The following C1orf50 variants were observed in gnomAD, a reference collection of about 807,000 sequenced individuals.
C1orf50 encodes chromosome 1 open reading frame 50.
C1orf50 carries 22 observed loss-of-function variants against 23.3 expected under a neutral mutation model. The observed-to-expected ratio is 0.94, with a 90% CI of 0.67 to 1.35. The LOEUF (loss-of-function observed/expected upper bound fraction) is 1.35. Among genes scored for constraint, C1orf50 ranks in the 40% most tolerant of loss-of-function variants. The pLI is 0.00. For missense variants in C1orf50, 271 were observed against 249.4 expected (o/e 1.09, Z -0.58); for synonymous variants, 96 against 102.4 (o/e 0.94, Z 0.38).
intron 2 of C1orf50, among the ~76,000 whole-genome samples, chr1:42,768,296 A>G (rs1653132062): frequency 6.6e-6 from 1 of 152,246 alleles, no homozygotes; most frequent in Admixed American, 6.5e-5. Flanking sequence ...GTAGAGCTCC[A>G]AGATCTAAAG....
rs1403661655 is a variant in C1orf50 at position 42,778,069 on chromosome 1, TGGTTAAGCCAGTTACCACACTTG to T, written c.*2678_*2700del. 1 of 152,084 alleles carries T rather than the reference TGGTTAAGCCAGTTACCACACTTG, an allele frequency of 6.6e-6. No homozygotes were observed. The highest frequency in any genetic ancestry group is 1.5e-5 in the Non-Finnish European group (1 of 68,012). 9.4% of individuals were successfully genotyped at this position (152,084 alleles called of 1,614,324 possible). A position where few individuals can be genotyped will look rare whatever the true frequency, so the allele number is the denominator to read the frequency against. ...ACCAAGGGGTGTCATTGCTCTTTCC[TGGTTAAGCCAGTTACCACACTTG>T]GGAAGGGCTAGTGGCAATGTGAGGT... On this transcript the variant is annotated 3_prime_UTR_variant, in exon 5 of 5. Coordinates refer to ENST00000372525, the MANE Select transcript of C1orf50 (RefSeq NM_024097.4).
chr1:42,773,563 G>T lies in C1orf50; in HGVS notation c.196G>T (p.Ala66Ser). Residue 66 changes from alanine to serine, a missense_variant and splice_region_variant, in exon 3 of 5, where the codon GCT becomes TCT. Physicochemically the swap from Ala to Ser is moderately conservative, Grantham distance 99 (BLOSUM62 1). Coordinates refer to ENST00000372525, the MANE Select transcript of C1orf50 (RefSeq NM_024097.4). ...CAGTTTAGTTTTTTCTCACCTGTAG[G>T]CTGATGAATTCATCCGAGCAAATGC... The part of the protein sequence containing the change: ...LVALAEQVQK[A>S]DEFIRANATN... 1.2e-6 allele frequency: 2 copies of T among 1,603,128 alleles called. No individual in the cohort carries two copies.
In C1orf50 at chr1:42,775,220, A is replaced by G; in HGVS notation, c.426A>G (p.Thr142=). Residue 142 remains threonine (T), a synonymous_variant, in exon 5 of 5, where the codon ACA becomes ACG. Coordinates refer to ENST00000372525, the MANE Select transcript of C1orf50 (RefSeq NM_024097.4). ...TTTGCCTTCTCTAGGAATGGGGGAC[A>G]AGTTGTCCACATGACTTCCTTGGTG... ...FSIISPKEWG[T]SCPHDFLGAY... The G allele has an allele frequency of 6.3e-7, 1 of 1,591,204 alleles. No homozygotes were observed. The highest frequency in any genetic ancestry group is 1.3e-5 in the African/African-American group (1 of 74,728).
At position 42,776,474 on chromosome 1, in the gene C1orf50, G is replaced by A. The variant is rs1030541706; in HGVS notation, c.*1080G>A. On this transcript the variant is annotated 3_prime_UTR_variant, in exon 5 of 5. Transcript: ENST00000372525. The stretch of plus-strand genomic sequence containing the variant: ...ATATGCTGTAAAAGGAGGGAGAGAT[G>A]TGTACTTGAACTGACAATTGGCCAA... 3 of 152,226 alleles carry A rather than the reference G, an allele frequency of 2.0e-5. No individual in the cohort carries two copies. The highest frequency in any genetic ancestry group is 1.9e-4 in the East Asian group (1 of 5,202). 9.4% of individuals were successfully genotyped at this position (152,226 alleles called of 1,614,324 possible). A position where few individuals can be genotyped will look rare whatever the true frequency, so the allele number is the denominator to read the frequency against.
chr1:42,767,311 C>G lies in C1orf50; in HGVS notation c.-1C>G, dbSNP rs201159116. On this transcript the variant is annotated 5_prime_UTR_variant, in exon 1 of 5. Coordinates refer to ENST00000372525, the MANE Select transcript of C1orf50 (RefSeq NM_024097.4). ...GGGAGTGGGGAGGATAAGGCGCTGT[C>G]ATGGAGGACGCCGCCGCGCCGGGGC... 3 of 1,510,014 alleles carry G rather than the reference C, an allele frequency of 2.0e-6. No homozygotes were observed. Among genetic ancestry groups the G allele is most frequent in the African/African-American group, 2.8e-5 (2 of 71,186 alleles). The allele number at this position is 1,510,014 out of a possible 1,614,324, so 93.5% of individuals were successfully genotyped here.
chr1:42,772,141 C>T (rs1653238048), intron 2 of C1orf50, among the ~76,000 whole-genome samples: 1 of 152,142 alleles, frequency 6.6e-6, no homozygotes, highest in Non-Finnish European at 1.5e-5. Context: ...TGCCAGTACA[C>T]CCAGTGCCTA....
chr1:42,774,699 C>T (rs757907124), intron 3 of C1orf50, 38 bp from the exon 4 acceptor site: 11 of 1,577,054 alleles, frequency 7.0e-6, no homozygotes, highest in Middle Eastern at 1.7e-4. Flanking sequence ...TGCCTGTTAT[C>T]TCCAATACCT....
intron 2 of C1orf50, among the ~76,000 whole-genome samples, chr1:42,768,791 T>C (rs1653151875): frequency 6.6e-6 from 1 of 152,160 alleles, no homozygotes; most frequent in Non-Finnish European, 1.5e-5. Flanking sequence ...TTTATTACGA[T>C]GGCCTGAACA....
At position 42,767,613 on chromosome 1, in the gene C1orf50, C is replaced by G. The variant is rs1362300545; in HGVS notation, c.184C>G (p.Gln62Glu). 1 of 1,611,406 alleles carries G rather than the reference C, an allele frequency of 6.2e-7. No homozygotes were observed. Among genetic ancestry groups the G allele is most frequent in the Admixed American group, 1.7e-5 (1 of 59,820 alleles). ...DPLDLVALAE[Q>E]VQKADEFIRA... ...CTTAGACCTCGTGGCGCTCGCAGAGCAGGTGCAGAAGGTGAGGAGGCGCGG... is the reference window on the plus strand; with the variant it reads ...CTTAGACCTCGTGGCGCTCGCAGAGGAGGTGCAGAAGGTGAGGAGGCGCGG... Residue 62 changes from glutamine to glutamate, a missense_variant, in exon 2 of 5, where the codon CAG becomes GAG. Gln to Glu is a conservative substitution (Grantham distance 29, BLOSUM62 2). Transcript: ENST00000372525.
In C1orf50 at chr1:42,775,946, G is replaced by T. The variant is rs1319497923; in HGVS notation, c.*552G>T. ...ACTTGGCTTGGCTGGACCAGAGAGT[G>T]TGTGATTCTGGGATTTCTGTGCTGT... is the stretch of plus-strand genomic sequence containing the variant. On this transcript the variant is annotated 3_prime_UTR_variant, in exon 5 of 5. Transcript: ENST00000372525. 2.0e-5 allele frequency: 3 copies of T among 151,450 alleles called. No homozygotes were observed. The highest frequency in any genetic ancestry group is 4.4e-5 in the Non-Finnish European group (3 of 67,914). 9.4% of individuals were successfully genotyped at this position (151,450 alleles called of 1,614,324 possible).
At position 42,775,969 on chromosome 1, in the gene C1orf50, T is replaced by C. The variant is rs1653333419; in HGVS notation, c.*575T>C. ...GTGTGTGATTCTGGGATTTCTGTGC[T>C]GTTGATGAGGTTTGTCTTGCCCCTT... On this transcript the variant is annotated 3_prime_UTR_variant, in exon 5 of 5. Transcript: ENST00000372525. 6.6e-6 allele frequency: 1 copy of C among 151,372 alleles called. No individual in the cohort carries two copies. Among genetic ancestry groups the C allele is most frequent in the Non-Finnish European group, 1.5e-5 (1 of 67,908 alleles). The allele number at this position is 151,372 out of a possible 1,614,324, so 9.4% of individuals were successfully genotyped here. A position where few individuals can be genotyped will look rare whatever the true frequency, so the allele number is the denominator to read the frequency against.
Position 42,773,659 on chromosome 1 carries a change from G to GACT in C1orf50, c.282+11_282+13dup. 1 of 1,572,822 alleles carries GACT rather than the reference G, an allele frequency of 6.4e-7. No homozygotes were observed. The highest frequency in any genetic ancestry group is 8.7e-7 in the Non-Finnish European group (1 of 1,144,608). ...AGAACAAGCCAGGAAGGTAAGGAAT[G>GACT]ACTGTTAGACAGGCTTTCATTTTCT... On this transcript the variant is annotated intron_variant, in intron 3 of 4. Transcript: ENST00000372525.
rs1216562228 is a variant in C1orf50 at position 42,775,487 on chromosome 1, A to G, written c.*93A>G. 15 of 1,144,138 alleles carry G rather than the reference A, an allele frequency of 1.3e-5. No homozygotes were observed. Among genetic ancestry groups the G allele is most frequent in the Non-Finnish European group, 1.6e-5 (13 of 825,940 alleles). 70.9% of individuals were successfully genotyped at this position (1,144,138 alleles called of 1,614,324 possible). On this transcript the variant is annotated 3_prime_UTR_variant, in exon 5 of 5. Coordinates refer to ENST00000372525, the MANE Select transcript of C1orf50 (RefSeq NM_024097.4). ...CTTGAGAATTGAAGACATGTAGGTGACTCACAAACTTCTTGGAAAGAGACC... is the reference window on the plus strand; with the variant it reads ...CTTGAGAATTGAAGACATGTAGGTGGCTCACAAACTTCTTGGAAAGAGACC...
chr1:42,775,478 A>C lies in C1orf50; in HGVS notation c.*84A>C. 2 of 1,269,798 alleles carry C rather than the reference A, an allele frequency of 1.6e-6. No homozygotes were observed. Among genetic ancestry groups the C allele is most frequent in the Non-Finnish European group, 2.2e-6 (2 of 929,172 alleles). The allele number at this position is 1,269,798 out of a possible 1,614,324, so 78.7% of individuals were successfully genotyped here. A position where few individuals can be genotyped will look rare whatever the true frequency, so the allele number is the denominator to read the frequency against. On this transcript the variant is annotated 3_prime_UTR_variant, in exon 5 of 5. Transcript: ENST00000372525. ...CACTGTTGCCTTGAGAATTGAAGACATGTAGGTGACTCACAAACTTCTTGG... is the reference window on the plus strand; with the variant it reads ...CACTGTTGCCTTGAGAATTGAAGACCTGTAGGTGACTCACAAACTTCTTGG...
At chr1:42,772,349 CTTAA>C (rs1303421715) in intron 2 of C1orf50, among the ~76,000 whole-genome samples, 1 of 152,118 alleles carries the variant, frequency 6.6e-6, no homozygotes, top group Non-Finnish European at 1.5e-5. Context: ...ATTTCTTTAC[CTTAA>C]TTGTGTATAA....
chr1:42,771,104 T>A (rs1042896807), intron 2 of C1orf50, among the ~76,000 whole-genome samples: 4 of 152,256 alleles, frequency 2.6e-5, no homozygotes, highest in African/African-American at 7.2e-5. Flanking sequence ...GCTTTTTTAC[T>A]TAACTCATTT....
chr1:42,778,989 C>G lies in C1orf50; in HGVS notation c.*3595C>G, dbSNP rs1040040961. ...AAGGTGTACTTCCCCCCCCCCCCCCCCCACATTTTGGTGTCTGTCAAACTT... is the reference window on the plus strand; with the variant it reads ...AAGGTGTACTTCCCCCCCCCCCCCCGCCACATTTTGGTGTCTGTCAAACTT... On this transcript the variant is annotated 3_prime_UTR_variant, in exon 5 of 5. Coordinates refer to ENST00000372525, the MANE Select transcript of C1orf50 (RefSeq NM_024097.4). 8.1e-5 allele frequency: 7 copies of G among 86,628 alleles called. No homozygotes were observed. Among genetic ancestry groups the G allele is most frequent in the African/African-American group, 2.7e-4 (6 of 22,180 alleles). The allele number at this position is 86,628 out of a possible 1,614,324, so 5.4% of individuals were successfully genotyped here. A position where few individuals can be genotyped will look rare whatever the true frequency, so the allele number is the denominator to read the frequency against.
chr1:42,767,285 A>G lies in C1orf50; in HGVS notation c.-27A>G, dbSNP rs534176649. 18 of 1,484,496 alleles carry G rather than the reference A, an allele frequency of 1.2e-5. No individual in the cohort carries two copies. In the South Asian group the frequency reaches 1.4e-4, roughly 12 times the overall value. 92.0% of individuals were successfully genotyped at this position (1,484,496 alleles called of 1,614,324 possible). A position where few individuals can be genotyped will look rare whatever the true frequency, so the allele number is the denominator to read the frequency against. On this transcript the variant is annotated 5_prime_UTR_variant, in exon 1 of 5. Transcript: ENST00000372525. ...CAGGCTCTTCCTACTCGCACAGCCCAGGGAGTGGGGAGGATAAGGCGCTGT... is the reference window on the plus strand; with the variant it reads ...CAGGCTCTTCCTACTCGCACAGCCCGGGGAGTGGGGAGGATAAGGCGCTGT...
At chr1:42,768,691 T>A (rs1653147202) in intron 2 of C1orf50, among the ~76,000 whole-genome samples, 1 of 152,236 alleles carries the variant, frequency 6.6e-6, no homozygotes, top group African/African-American at 2.4e-5. Flanking sequence ...ATGCATCTAG[T>A]TAATCAGATT....
Sources: allele counts gnomAD v4.1 joint callset (sites outside exome capture counted in the v4.1 genomes callset), GRCh38; gene constraint gnomAD v4.1.1; transcripts MANE v1.5; gene names NCBI Gene and HGNC (gene_info 2026-07-23, HGNC 2026-07-21).